The following PHC3 variants were observed in gnomAD, a reference collection of about 807,000 sequenced individuals.
PHC3 encodes polyhomeotic-like protein 3.
In PHC3, 13 loss-of-function variants were observed where a neutral mutation model predicts 107.4. The ratio of observed to expected loss-of-function variants is 0.12; its 90% CI spans 0.08 to 0.19. The LOEUF is 0.19. PHC3 is among the 10% of genes least tolerant of loss of function. PHC3 has a pLI of 1.00. For missense variants in PHC3, 992 were observed against 1,210.9 expected, an observed-to-expected ratio of 0.82 and a Z score of 2.68; for synonymous variants, 456 against 427.4, an observed-to-expected ratio of 1.07 and a Z score of -0.83.
chr3:170,117,289 T>C lies in PHC3; in HGVS notation c.2130A>G (p.Lys710=). Residue 710 remains lysine, a synonymous_variant, in exon 10 of 15, where the codon AAA becomes AAG. Transcript: ENST00000495893. ...CAATAACATGGGTTAGGATCTGTGG[T>C]TTAACAATAGCCTGTGGAGGTTTGT... is the stretch of plus-strand genomic sequence containing the variant. The part of the protein sequence containing the change: ...IENKPPQAIV[K]PQILTHVIEG... 6.2e-7 allele frequency: 1 copy of C among 1,614,010 alleles called. No homozygotes were observed. Among genetic ancestry groups the C allele is most frequent in the Non-Finnish European group, 8.5e-7 (1 of 1,179,874 alleles).
intron 7 of PHC3, among the ~76,000 whole-genome samples, chr3:170,131,199 A>T (rs1486913696): frequency 6.6e-6 from 1 of 151,730 alleles, no homozygotes; most frequent in East Asian, 1.9e-4. Flanking sequence ...TCATATAAGT[A>T]TCTAGGCTAG....
chr3:170,162,867 T>C (rs923322634), intron 4 of PHC3, among the ~76,000 whole-genome samples: 5 of 152,212 alleles, frequency 3.3e-5, no homozygotes, highest in African/African-American at 1.2e-4. Context: ...ACTGTCCTCC[T>C]TTCTGTTCCC....
chr3:170,101,208 G>GT (rs1715413027), intron 14 of PHC3, among the ~76,000 whole-genome samples: 2 of 152,158 alleles, frequency 1.3e-5, no homozygotes, highest in South Asian at 4.1e-4. Context: ...TTCCCATGAA[G>GT]TATCTCCACT....
rs1449608671 is a variant in PHC3, at chr3:170,090,447, A to T, written c.*6783T>A. 2 of 152,212 alleles carry T rather than the reference A, an allele frequency of 1.3e-5. No homozygotes were observed. Among genetic ancestry groups the T allele is most frequent in the Non-Finnish European group, 2.9e-5 (2 of 68,024 alleles). The allele number at this position is 152,212 out of a possible 1,614,324, so 9.4% of individuals were successfully genotyped here. A position where few individuals can be genotyped will look rare whatever the true frequency, so the allele number is the denominator to read the frequency against. On this transcript the variant is annotated 3_prime_UTR_variant, in exon 15 of 15. Transcript: ENST00000495893. Reference sequence around the variant, plus strand: ...TTTGCTAAATGAATTTAAGTACATGAATGACAATATTCATATGTGTTCATA... The same window carrying T: ...TTTGCTAAATGAATTTAAGTACATGTATGACAATATTCATATGTGTTCATA...
At position 170,094,211 on chromosome 3, in the gene PHC3, A is replaced by G. The variant is rs1416922911; in HGVS notation, c.*3019T>C. 1 of 152,232 alleles carries G rather than the reference A, an allele frequency of 6.6e-6. No homozygotes were observed. Among genetic ancestry groups the G allele is most frequent in the Non-Finnish European group, 1.5e-5 (1 of 68,046 alleles). The allele number at this position is 152,232 out of a possible 1,614,324, so 9.4% of individuals were successfully genotyped here. ...ATCTCATACTATATTGACTACTCAA[A>G]GCTGCATAGCTGTGTCTTACACATG... On this transcript the variant is annotated 3_prime_UTR_variant, in exon 15 of 15. Transcript: ENST00000495893.
rs765616906 is a variant in PHC3 at position 170,117,340 on chromosome 3, C to A, written c.2079G>T (p.Met693Ile). ...AATTRSNSTS[M>I]HSSIPSIENK... ...TCTCTATACTGGGAATGCTACTGTGCATAGATGTACTGTTACTCCTTGTGG... is the reference window on the plus strand; with the variant it reads ...TCTCTATACTGGGAATGCTACTGTGAATAGATGTACTGTTACTCCTTGTGG... The change falls in exon 10 of 15, where the codon ATG (methionine) becomes ATT (isoleucine). Residue 693 changes from methionine to isoleucine, a missense_variant. Met to Ile is a conservative substitution (Grantham distance 10). This residue lies in a region of PHC3 where 543 missense variants were observed against 590.8 expected (regional missense o/e 0.92). Coordinates refer to ENST00000495893, the MANE Select transcript of PHC3 (RefSeq NM_024947.4). 4 of 1,613,684 alleles carry A rather than the reference C, an allele frequency of 2.5e-6. No individual in the cohort carries two copies. Among genetic ancestry groups the A allele is most frequent in the Non-Finnish European group, 3.4e-6 (4 of 1,179,852 alleles).
chr3:170,128,531 C>A, intron 8 of PHC3, 153 bp downstream of exon 8: 1 of 1,093,138 alleles, frequency 9.1e-7, no homozygotes, highest in Non-Finnish European at 1.3e-6. Flanking sequence ...TTTTTTTTTG[C>A]CCATACAGCA....
intron 10 of PHC3, among the ~76,000 whole-genome samples, chr3:170,116,525 C>T (rs1051194588): frequency 3.9e-5 from 6 of 152,090 alleles, no homozygotes; most frequent in African/African-American, 1.4e-4. Context: ...TGAAACAGTG[C>T]CACTGCACTC....
At chr3:170,109,526 ATCT>A (rs1234392469) in intron 11 of PHC3, among the ~76,000 whole-genome samples, 2 of 152,140 alleles carry the variant, frequency 1.3e-5, no homozygotes, top group African/African-American at 4.8e-5. Flanking sequence ...TTAAATTCCT[ATCT>A]TCTTTAATCA....
chr3:170,170,294 C>A (rs1329300126), intron 4 of PHC3: 3 of 151,116 alleles, frequency 2.0e-5, no homozygotes, highest in Non-Finnish European at 4.4e-5. Flanking sequence ...ATTAGGTTCT[C>A]AACTACAGGC....
At chr3:170,161,274 T>C (rs1356299681) in intron 4 of PHC3, among the ~76,000 whole-genome samples, 1 of 152,198 alleles carries the variant, frequency 6.6e-6, no homozygotes, top group Admixed American at 6.5e-5. Context: ...TGGCTAAGGC[T>C]TACATAAGAT....
intron 10 of PHC3, among the ~76,000 whole-genome samples, chr3:170,116,350 G>C (rs1188301078): frequency 1.3e-5 from 2 of 152,090 alleles, no homozygotes; most frequent in South Asian, 2.1e-4. Context: ...GATCACTTGA[G>C]GCCAGGAGTT....
At chr3:170,103,230 G>C (rs2108274252) in intron 12 of PHC3, among the ~76,000 whole-genome samples, 1 of 152,250 alleles carries the variant, frequency 6.6e-6, no homozygotes, top group African/African-American at 2.4e-5. Flanking sequence ...GCAAAATACA[G>C]AGGATAACCA....
At chr3:170,149,733 G>A (rs1725588781) in intron 4 of PHC3, 1 of 152,412 alleles carries the variant, frequency 6.6e-6, no homozygotes, top group Admixed American at 6.5e-5. Flanking sequence ...TAGGATTACA[G>A]GCATGAGCCA....
At chr3:170,120,162 A>C (rs370143296) in intron 9 of PHC3, among the ~76,000 whole-genome samples, 20 of 152,208 alleles carry the variant, frequency 1.3e-4, no homozygotes, top group African/African-American at 4.6e-4. Flanking sequence ...ATTAGCAATA[A>C]AACTTACATT....
intron 11 of PHC3, 120 bp downstream of exon 11, chr3:170,113,240 T>C (rs560793568): frequency 1.4e-4 from 128 of 913,084 alleles, no homozygotes; most frequent in African/African-American, 1.3e-3. Flanking sequence ...TGGTGCATTA[T>C]ATGAAAATAA....
intron 2 of PHC3, chr3:170,177,000 T>C: frequency 2.7e-6 from 1 of 374,574 alleles, no homozygotes; most frequent in Non-Finnish European, 5.4e-6. Context: ...TATAATACCA[T>C]ATTGCCCCAA....
intron 10 of PHC3, among the ~76,000 whole-genome samples, chr3:170,115,550 T>C (rs1379990329): frequency 6.6e-6 from 1 of 152,180 alleles, no homozygotes; most frequent in East Asian, 1.9e-4. Flanking sequence ...TGGGGATCAT[T>C]TGCCCTGTAC....
At chr3:170,121,451 G>C (rs6808506) in intron 9 of PHC3, among the ~76,000 whole-genome samples, 16,899 of 152,276 alleles carry the variant, frequency 0.11, 1,005 homozygotes, top group Middle Eastern at 0.16. Flanking sequence ...CAGTAGCTTT[G>C]TGAGGAGGCA....
Sources: gnomAD v4.1 joint callset for allele counts (sites outside exome capture counted in the v4.1 genomes callset) on GRCh38, gnomAD v4.1.1 for gene constraint, gnomAD v4.1.1 regional missense constraint, MANE v1.5 for transcripts, NCBI Gene and HGNC (gene_info 2026-07-23, HGNC 2026-07-21) for gene names.